The following LYN variants were observed in gnomAD, a reference collection of about 807,000 sequenced individuals.
LYN encodes the protein tyrosine-protein kinase Lyn.
In LYN, 12 loss-of-function variants were observed where a neutral mutation model predicts 65.0. That is an observed-to-expected ratio of 0.18 (90% CI 0.12 to 0.30). The LOEUF (loss-of-function observed/expected upper bound fraction) is 0.30, where lower values mean the gene tolerates loss of function less well. Among genes scored for constraint, LYN ranks in the 10% least tolerant of loss-of-function variants. The pLI is 1.00. For missense variants in LYN, 380 were observed against 623.2 expected (o/e 0.61, Z 4.16); for synonymous variants, 222 against 221.2 (o/e 1.00, Z -0.03).
chr8:56,003,254 G>A (rs1808578228), intron 12 of LYN, among the ~76,000 whole-genome samples: 1 of 151,752 alleles, frequency 6.6e-6, no homozygotes, highest in South Asian at 2.1e-4. Context: ...CTAGAGACAG[G>A]GTTTTGCCGT....
chr8:55,881,749 C>T (rs1269478026), intron 1 of LYN, among the ~76,000 whole-genome samples: 2 of 152,280 alleles, frequency 1.3e-5, no homozygotes, highest in East Asian at 3.9e-4. Context: ...CCAAGATTTC[C>T]TTTATAGCAG....
intron 12 of LYN, among the ~76,000 whole-genome samples, chr8:56,000,190 G>A (rs1313441070): frequency 6.6e-6 from 1 of 152,088 alleles, no homozygotes; most frequent in Non-Finnish European, 1.5e-5. Flanking sequence ...TGACTGGAAG[G>A]AGGAAACCCA....
intron 1 of LYN, among the ~76,000 whole-genome samples, chr8:55,881,816 T>A (rs1804660620): frequency 1.3e-5 from 2 of 152,220 alleles, no homozygotes; most frequent in Non-Finnish European, 2.9e-5. Context: ...ACCATTACAG[T>A]GGAAGCTCCA....
intron 1 of LYN, among the ~76,000 whole-genome samples, chr8:55,935,028 A>G (rs1276963858): frequency 3.3e-5 from 5 of 152,096 alleles, no homozygotes; most frequent in Non-Finnish European, 2.9e-5. Flanking sequence ...CCATGGACGG[A>G]AGCAGCTCCA....
rs1317038920 is a variant in LYN, at chr8:56,001,422, A to C, written c.1336+1873A>C. ...CAAACCAGGGAAGGCTTTTGGACAG[A>C]GCAGCCACACAGTCTGCGTGCTCCC... On this transcript the variant is annotated intron_variant, in intron 12 of 12. Transcript: ENST00000519728. Among the ~76,000 whole-genome samples the C allele has an allele frequency of 3.9e-5, 6 of 152,266 alleles. No homozygotes were observed. In the East Asian group the frequency reaches 1.2e-3, roughly 29 times the overall value.
At chr8:55,949,863 T>A (rs1244709983) in intron 4 of LYN, among the ~76,000 whole-genome samples, 1 of 152,118 alleles carries the variant, frequency 6.6e-6, no homozygotes, top group Admixed American at 6.6e-5. Context: ...ATCACCACAA[T>A]CCATTTTAGA....
intron 1 of LYN, among the ~76,000 whole-genome samples, chr8:55,892,258 T>C (rs899622017): frequency 6.6e-6 from 1 of 152,108 alleles, no homozygotes; most frequent in Admixed American, 6.5e-5. Flanking sequence ...CCATCTCTTC[T>C]AAAAATCCAA....
At chr8:55,976,198 G>C (rs891145015) in intron 10 of LYN, among the ~76,000 whole-genome samples, 1 of 151,878 alleles carries the variant, frequency 6.6e-6, no homozygotes, top group Non-Finnish European at 1.5e-5. Flanking sequence ...TTGGTGGTGC[G>C]TGCCTGTAAT....
In LYN at chr8:55,996,793, G is replaced by A. The variant is rs1419883889; in HGVS notation, c.1051-1553G>A. 2.0e-5 allele frequency among the ~76,000 whole-genome samples: 3 copies of A among 152,110 alleles called. No homozygotes were observed. In the East Asian group the frequency reaches 5.8e-4, roughly 29 times the overall value. On this transcript the variant is annotated intron_variant, in intron 10 of 12. Transcript: ENST00000519728. ...AGTTTTGCCTCCCTATGTTATTGTT[G>A]TGTTTAAATCCTGGATTCTTTCCTG...
chr8:56,006,840 G>C (rs191489312), intron 12 of LYN, among the ~76,000 whole-genome samples: 2 of 152,288 alleles, frequency 1.3e-5, no homozygotes, highest in East Asian at 1.9e-4. Context: ...GTAATCTTAG[G>C]GTCTGGTTGA....
chr8:55,946,457 T>A lies in LYN; in HGVS notation c.142T>A (p.Ser48Thr), dbSNP rs1379045539. The A allele has an allele frequency of 1.2e-6, 2 of 1,608,902 alleles. No homozygotes were observed. Among genetic ancestry groups the A allele is most frequent in the Non-Finnish European group, 1.7e-6 (2 of 1,175,866 alleles). The change falls in exon 3 of 13, where the codon TCT becomes ACT. Residue 48 changes from serine to threonine, a missense_variant. By Grantham distance (58) the Ser-to-Thr change is moderately conservative (BLOSUM62 1). This residue lies in a region of LYN where 157 missense variants were observed against 193.2 expected (regional missense o/e 0.81). Coordinates refer to ENST00000519728, the MANE Select transcript of LYN (RefSeq NM_002350.4). ...AAATATTCTCTCGTAGGTTCCAGAA[T>A]CTCAGCTTTTACCTGGACAGAGGTT... Reference protein sequence around the residue: ...SNKQQRPVPESQLLPGQRFQT... With the variant: ...SNKQQRPVPETQLLPGQRFQT...
At chr8:55,987,244 C>T (rs1486264202) in intron 10 of LYN, among the ~76,000 whole-genome samples, 1 of 151,934 alleles carries the variant, frequency 6.6e-6, no homozygotes, top group Non-Finnish European at 1.5e-5. Context: ...GAAACACCGT[C>T]TCTACTAAAA....
rs367581856 is a variant in LYN at position 55,947,747 on chromosome 8, G to A, written c.284+24G>A. 107 of 1,526,452 alleles carry A rather than the reference G, an allele frequency of 7.0e-5. 1 individual carries two copies. The African/African-American group carries it at 1.1e-3, about 15-fold the overall frequency. 94.6% of individuals were successfully genotyped at this position (1,526,452 alleles called of 1,614,324 possible). A position where few individuals can be genotyped will look rare whatever the true frequency, so the allele number is the denominator to read the frequency against. The stretch of plus-strand genomic sequence containing the variant: ...GAGTAAGTGCTCTCAAGCACGCCAC[G>A]GCTGCTCGTTTCCTCAGGCCACTGA... On this transcript the variant is annotated intron_variant, in intron 4 of 12. Transcript: ENST00000519728.
chr8:55,918,667 C>CCTTA (rs1319476695), intron 1 of LYN, among the ~76,000 whole-genome samples: 1 of 152,100 alleles, frequency 6.6e-6, no homozygotes, highest in Non-Finnish European at 1.5e-5. Context: ...CTCGGTTAAT[C>CCTTA]CTTACTATGG....
rs559167699 is a variant in LYN, at chr8:55,881,064, T to G, written c.-6+961T>G. Among the ~76,000 whole-genome samples, 6 of 152,350 alleles carry G rather than the reference T, an allele frequency of 3.9e-5. No homozygotes were observed. In the South Asian group the frequency reaches 6.2e-4, roughly 16 times the overall value. On this transcript the variant is annotated intron_variant, in intron 1 of 12. Coordinates refer to ENST00000519728, the MANE Select transcript of LYN (RefSeq NM_002350.4). ...GAAATTCCCTGTTTGAGTTTCTTCA[T>G]CTTTGAGAGAGCATATATACCTCAG...
At chr8:55,939,158 C>T (rs1806524405) in intron 1 of LYN, among the ~76,000 whole-genome samples, 2 of 152,176 alleles carry the variant, frequency 1.3e-5, no homozygotes, top group South Asian at 4.1e-4. Flanking sequence ...GTTTGGGTTG[C>T]TCATCCCCAT....
intron 1 of LYN, among the ~76,000 whole-genome samples, chr8:55,900,192 G>GA (rs1003714785): frequency 1.3e-5 from 2 of 152,018 alleles, no homozygotes; most frequent in African/African-American, 4.8e-5. Flanking sequence ...CCATAGCTGG[G>GA]AAAAATGAAG....
chr8:55,966,879 A>G lies in LYN; in HGVS notation c.955A>G (p.Thr319Ala). Residue 319 changes from threonine to alanine, a missense_variant, in exon 9 of 13, where the codon ACC becomes GCC. Physicochemically the swap from Thr to Ala is moderately conservative, Grantham distance 58 (BLOSUM62 0). This residue lies in a region of LYN where 223 missense variants were observed against 430.0 expected (regional missense o/e 0.52). Coordinates refer to ENST00000519728, the MANE Select transcript of LYN (RefSeq NM_002350.4). ...VTREEPIYII[T>A]EYMAKGSLLD... ...CAGGGAGGAGCCCATTTACATCATCACCGAGTACATGGCCAAGGGTGAGTT... is the reference window on the plus strand; with the variant it reads ...CAGGGAGGAGCCCATTTACATCATCGCCGAGTACATGGCCAAGGGTGAGTT... 6.2e-7 allele frequency: 1 copy of G among 1,613,798 alleles called. No individual in the cohort carries two copies. The highest frequency in any genetic ancestry group is 8.5e-7 in the Non-Finnish European group (1 of 1,179,896).
chr8:55,975,742 C>A (rs1408884590), intron 10 of LYN, among the ~76,000 whole-genome samples: 2 of 142,578 alleles, frequency 1.4e-5, no homozygotes, highest in Non-Finnish European at 3.0e-5. Context: ...ATGCAGTTTC[C>A]TTCTGAAAAA....
Sources: gnomAD v4.1 joint callset for allele counts (sites outside exome capture counted in the v4.1 genomes callset) on GRCh38, gnomAD v4.1.1 for gene constraint, gnomAD v4.1.1 regional missense constraint, MANE v1.5 for transcripts, NCBI Gene and HGNC (gene_info 2026-07-23, HGNC 2026-07-21) for gene names.